The following PPP4C variants were observed in gnomAD, a reference collection of about 807,000 sequenced individuals.
PPP4C encodes the protein protein phosphatase 4 catalytic subunit, also known as serine/threonine-protein phosphatase 4 catalytic subunit.
PPP4C carries 10 observed loss-of-function variants against 40.5 expected under a neutral mutation model. The ratio of observed to expected loss-of-function variants is 0.25; its 90% CI spans 0.15 to 0.42. PPP4C has a LOEUF of 0.42. PPP4C is among the 10% of genes least tolerant of loss of function. The pLI is 1.00. For synonymous variants in PPP4C, 187 were observed against 163.6 expected, an observed-to-expected ratio of 1.14 and a Z score of -1.09; for missense variants, 191 against 416.4, an observed-to-expected ratio of 0.46 and a Z score of 4.71.
In PPP4C at chr16:30,083,750, C is replaced by G. The variant is rs1174332358; in HGVS notation, c.573C>G (p.Pro191=). The G allele has an allele frequency of 6.2e-7, 1 of 1,614,050 alleles. No homozygotes were observed. The highest frequency in any genetic ancestry group is 1.7e-5 in the Admixed American group (1 of 59,998). ...DRKQEVPHDG[P]MCDLLWSDPE... is the part of the protein sequence containing the mutation. ...AGCAAGAGGTGCCTCATGATGGGCC[C>G]ATGTGTGACCTCCTCTGGTCTGACC... Residue 191 remains proline, a synonymous_variant, in exon 7 of 9, where the codon CCC becomes CCG. Coordinates refer to ENST00000279387, the MANE Select transcript of PPP4C (RefSeq NM_002720.3). This position sits in a 1 kb window ranked among gnomAD's most constrained non-coding sequence, Gnocchi z 6.3.
chr16:30,085,290 CT>C lies in PPP4C; in HGVS notation c.*235del. The C allele has an allele frequency of 5.0e-6, 2 of 402,946 alleles. No individual in the cohort carries two copies. Among genetic ancestry groups the C allele is most frequent in the Non-Finnish European group, 8.7e-6 (2 of 230,028 alleles). 25.0% of individuals were successfully genotyped at this position (402,946 alleles called of 1,614,324 possible). ...ATGAAGTTTCCAATAATTTTTTTTT[CT>C]TTTTTTCCTTCTTTTTTCTGTTTGT... On this transcript the variant is annotated 3_prime_UTR_variant, in exon 9 of 9. Transcript: ENST00000279387.
intron 2 of PPP4C, among the ~76,000 whole-genome samples, chr16:30,080,655 C>T (rs984228129): frequency 6.6e-5 from 10 of 151,796 alleles, no homozygotes; most frequent in South Asian, 2.1e-4. Context: ...TACAGGCACG[C>T]GCCACCACGC....
chr16:30,082,826 C>T lies in PPP4C; in HGVS notation c.282C>T (p.Phe94=). 6.2e-7 allele frequency: 1 copy of T among 1,614,096 alleles called. No homozygotes were observed. Among genetic ancestry groups the T allele is most frequent in the Non-Finnish European group, 8.5e-7 (1 of 1,179,990 alleles). Residue 94 remains phenylalanine, a synonymous_variant, in exon 5 of 9, where the codon TTC becomes TTT. Transcript: ENST00000279387. ...VDRGFYSVET[F]LLLLALKVRY... ...GTGGCTTCTATAGCGTCGAAACGTT[C>T]CTCCTGCTGCTGGCACTTAAGGTGG...
At chr16:30,078,550 G>A (rs767747851) in intron 2 of PPP4C, among the ~76,000 whole-genome samples, 35 of 152,148 alleles carry the variant, frequency 2.3e-4, no homozygotes, top group Non-Finnish European at 4.1e-4. Context: ...TCTGAAGCAG[G>A]GCCATCTCTG....
rs532004599 is a variant in PPP4C at position 30,077,806 on chromosome 16, G to A, written c.98+1331G>A. 3.3e-5 allele frequency among the ~76,000 whole-genome samples: 5 copies of A among 152,320 alleles called. No homozygotes were observed. The East Asian group carries it at 7.7e-4, about 24-fold the overall frequency. On this transcript the variant is annotated intron_variant, in intron 2 of 8. Coordinates refer to ENST00000279387, the MANE Select transcript of PPP4C (RefSeq NM_002720.3). ...AGGAAGCCATGACTCGTAGAGGTCT[G>A]GTGACTTAACTGAGGTCACCCACTG...
In PPP4C at chr16:30,083,023, G is replaced by A. The variant is rs558410652; in HGVS notation, c.303+176G>A. The A allele has an allele frequency of 9.8e-5, 61 of 620,528 alleles. 1 individual carries two copies. Among genetic ancestry groups the A allele is most frequent in the East Asian group, 9.2e-4 (33 of 35,818 alleles). The allele number at this position is 620,528 out of a possible 1,614,324, so 38.4% of individuals were successfully genotyped here. On this transcript the variant is annotated intron_variant, in intron 5 of 8. Coordinates refer to ENST00000279387, the MANE Select transcript of PPP4C (RefSeq NM_002720.3). The surrounding 1 kb of genome is among the most constrained non-coding windows in gnomAD (Gnocchi z 6.3). ...AGACTTGATGGGGGTTGAGGCCAGC[G>A]GGGCAGCATTCTGGGAGGGGCAGAG...
At chr16:30,076,596 G>A in intron 2 of PPP4C, 121 bp downstream of exon 2, 1 of 969,356 alleles carries the variant, frequency 1.0e-6, no homozygotes, top group Non-Finnish European at 1.6e-6. Flanking sequence ...GAGAGGAGCA[G>A]GATGGAGCCG....
chr16:30,084,533 C>T (rs1567337283), intron 7 of PPP4C, 133 bp from the exon 8 acceptor site: 3 of 770,512 alleles, frequency 3.9e-6, no homozygotes, highest in Non-Finnish European at 6.6e-6. Context: ...AGACCATATT[C>T]AGGCCCCATG....
chr16:30,076,061 G>C lies in PPP4C; in HGVS notation c.-97G>C. 1 of 426,854 alleles carries C rather than the reference G, an allele frequency of 2.3e-6. No individual in the cohort carries two copies. The highest frequency in any genetic ancestry group is 2.1e-5 in the African/African-American group (1 of 47,466). The allele number at this position is 426,854 out of a possible 1,614,324, so 26.4% of individuals were successfully genotyped here. On this transcript the variant is annotated 5_prime_UTR_variant, in exon 1 of 9. Transcript: ENST00000279387. Reference sequence around the variant, plus strand: ...AAGCGGAGTGAAAGAGGGAGGCAGGGAGCCGGAGAGCCGGAACCGGAGTCG... The same window carrying C: ...AAGCGGAGTGAAAGAGGGAGGCAGGCAGCCGGAGAGCCGGAACCGGAGTCG...
In PPP4C at chr16:30,085,101, T is replaced by C; in HGVS notation, c.*39T>C. On this transcript the variant is annotated 3_prime_UTR_variant, in exon 9 of 9. Transcript: ENST00000279387. ...CTGCCCCCTCCAACCCTTCTGGCCC[T>C]CGCACCACTGTGACTCTGCCATCTT... The C allele has an allele frequency of 6.3e-7, 1 of 1,599,338 alleles. No individual in the cohort carries two copies. The highest frequency in any genetic ancestry group is 8.5e-7 in the Non-Finnish European group (1 of 1,170,422).
intron 2 of PPP4C, among the ~76,000 whole-genome samples, chr16:30,077,600 T>C (rs1567332131): frequency 6.6e-6 from 1 of 152,196 alleles, no homozygotes; most frequent in Non-Finnish European, 1.5e-5. Context: ...TTGTGGCTTC[T>C]ACCAGGCTGG....
intron 2 of PPP4C, among the ~76,000 whole-genome samples, chr16:30,080,656 G>A (rs187023325): frequency 1.6e-4 from 24 of 152,004 alleles, no homozygotes; most frequent in Admixed American, 2.6e-4. Context: ...ACAGGCACGC[G>A]CCACCACGCC....
chr16:30,081,707 C>T (rs2072509677), intron 3 of PPP4C: 2 of 161,114 alleles, frequency 1.2e-5, no homozygotes, highest in African/African-American at 2.4e-5. Flanking sequence ...CAGGCCACTG[C>T]ACTCCAGCCT....
chr16:30,080,124 C>A (rs997481911), intron 2 of PPP4C, among the ~76,000 whole-genome samples: 1 of 151,940 alleles, frequency 6.6e-6, no homozygotes, highest in Non-Finnish European at 1.5e-5. Flanking sequence ...GTGGGTAGAT[C>A]ACTTGAGGTC....
intron 2 of PPP4C, among the ~76,000 whole-genome samples, chr16:30,080,610 G>A (rs1271272697): frequency 6.6e-5 from 10 of 150,484 alleles, no homozygotes; most frequent in African/African-American, 4.9e-5. Context: ...AGGTTCAAGC[G>A]ATTCTCCTGC....
chr16:30,082,185 C>G (rs1248270775), intron 3 of PPP4C, among the ~76,000 whole-genome samples: 2 of 152,178 alleles, frequency 1.3e-5, no homozygotes, highest in African/African-American at 2.4e-5. Flanking sequence ...ATCTCCAGGG[C>G]TCTGTGTTAG....
At position 30,082,066 on chromosome 16, in the gene PPP4C, AAGAAAG is replaced by A. The variant is rs2072519813; in HGVS notation, c.151-417_151-412del. Among the ~76,000 whole-genome samples, 4 of 71,386 alleles carry A rather than the reference AAGAAAG, an allele frequency of 5.6e-5. No individual in the cohort carries two copies. The South Asian group carries it at 2.5e-3, about 45-fold the overall frequency. The allele number at this position is 71,386 out of a possible 152,430, so 46.8% of individuals were successfully genotyped here. ...TGAGACTCCGTCTAAAAAAAAAAAA[AAGAAAG>A]GAAAGAAAAGAAAGGGGTTATGGGA... is the stretch of plus-strand genomic sequence containing the variant. On this transcript the variant is annotated intron_variant, in intron 3 of 8. Transcript: ENST00000279387.
chr16:30,082,694 T>A (rs1255532495), intron 4 of PPP4C, 52 bp from the exon 5 acceptor site: 2 of 1,558,392 alleles, frequency 1.3e-6, no homozygotes, highest in African/African-American at 2.7e-5. Flanking sequence ...CAGAAACAGG[T>A]AGGGGGTAGG....
chr16:30,077,208 CT>C (rs1293552952), intron 2 of PPP4C, among the ~76,000 whole-genome samples: 2 of 152,114 alleles, frequency 1.3e-5, no homozygotes, highest in African/African-American at 4.8e-5. Flanking sequence ...AACTCTGCCG[CT>C]TTCTAGCTGT....
Sources: allele counts gnomAD v4.1 joint callset (sites outside exome capture counted in the v4.1 genomes callset), GRCh38; gene constraint gnomAD v4.1.1; non-coding constraint Gnocchi (gnomAD v3.1); transcripts MANE v1.5; gene names NCBI Gene and HGNC (gene_info 2026-07-23, HGNC 2026-07-21).